The following E2F6 variants were observed in gnomAD, a reference collection of about 807,000 sequenced individuals.
E2F6 encodes the protein transcription factor E2F6.
E2F6 carries 19 observed loss-of-function variants against 31.5 expected under a neutral mutation model. The observed-to-expected ratio is 0.60, with a 90% confidence interval of 0.42 to 0.89. E2F6 has a LOEUF of 0.89. E2F6 is among the 40% of genes least tolerant of loss of function. The probability of loss-of-function intolerance (pLI) is 0.00; values close to 1 mark genes in which losing one functional copy is unlikely to be tolerated. For synonymous variants in E2F6, 121 were observed against 127.7 expected (o/e 0.95, Z 0.36); for missense variants, 269 against 341.6 (o/e 0.79, Z 1.67).
chr2:11,458,232 G>GC, intron 1 of E2F6: 1 of 1,544,774 alleles, frequency 6.5e-7, no homozygotes, highest in Non-Finnish European at 8.8e-7. Flanking sequence ...GGTACTCTAA[G>GC]AAGAGAATCA....
intron 5 of E2F6, among the ~76,000 whole-genome samples, chr2:11,449,670 T>C (rs1046200242): frequency 6.6e-6 from 1 of 152,236 alleles, no homozygotes; most frequent in Non-Finnish European, 1.5e-5. Flanking sequence ...ACCTTACTTT[T>C]GCAACTTTAA....
In E2F6 at chr2:11,450,035, A is replaced by G. The variant is rs768664890; in HGVS notation, c.628T>C (p.Leu210=). ...ACTTCTCTGGGAGCTGGAACATCCA[A>G]TCTGGTTTCTGCTGGAGCTTTAACT... The part of the protein sequence containing the change: ...IAVKAPAETR[L]DVPAPREDSI... The change falls in exon 5 of 7, where the codon TTG becomes CTG. Residue 210 remains leucine (L), a synonymous_variant. Coordinates refer to ENST00000381525, the MANE Select transcript of E2F6 (RefSeq NM_198256.4). 4 of 1,612,962 alleles carry G rather than the reference A, an allele frequency of 2.5e-6. No individual in the cohort carries two copies. In the Admixed American group the frequency reaches 5.0e-5, roughly 20 times the overall value.
At chr2:11,462,349 A>G (rs1443259293) in intron 1 of E2F6, among the ~76,000 whole-genome samples, 1 of 152,248 alleles carries the variant, frequency 6.6e-6, no homozygotes, top group Non-Finnish European at 1.5e-5. Context: ...ATGTGATAAC[A>G]TTTAATTTAT....
chr2:11,458,420 G>A (rs1671549438), intron 1 of E2F6: 54 of 1,497,828 alleles, frequency 3.6e-5, no homozygotes, highest in Non-Finnish European at 4.7e-5. Flanking sequence ...AGATGTATAT[G>A]GCATGGCATG....
chr2:11,451,591 C>T lies in E2F6; in HGVS notation c.536+60G>A, dbSNP rs1190579286. 2.7e-6 allele frequency: 4 copies of T among 1,487,778 alleles called. No homozygotes were observed. The East Asian group carries it at 7.2e-5, about 27-fold the overall frequency. The allele number at this position is 1,487,778 out of a possible 1,614,324, so 92.2% of individuals were successfully genotyped here. A position where few individuals can be genotyped will look rare whatever the true frequency, so the allele number is the denominator to read the frequency against. On this transcript the variant is annotated intron_variant, in intron 4 of 6. Transcript: ENST00000381525. The stretch of plus-strand genomic sequence containing the variant: ...AAATTAAGTCCCCAAGCTGACTCTA[C>T]TACTTAAGTAATCTGTTTTGGAAGC...
chr2:11,457,306 T>C (rs1049972975), intron 1 of E2F6, 73 bp from the exon 2 acceptor site: 1 of 928,328 alleles, frequency 1.1e-6, no homozygotes, highest in East Asian at 2.5e-5. Flanking sequence ...TTTTACTCAA[T>C]AGTATAAAGG....
chr2:11,458,295 C>A (rs530164122), intron 1 of E2F6: 2 of 1,551,592 alleles, frequency 1.3e-6, no homozygotes, highest in East Asian at 2.4e-5. Context: ...GGATTCATGG[C>A]GAAGGCAGCC....
At chr2:11,453,324 C>T (rs1476079253) in intron 3 of E2F6, among the ~76,000 whole-genome samples, 1 of 152,204 alleles carries the variant, frequency 6.6e-6, no homozygotes, top group African/African-American at 2.4e-5. Context: ...GTTTACTACA[C>T]TTCTGTGTGA....
chr2:11,462,205 T>C (rs1254894186), intron 1 of E2F6, among the ~76,000 whole-genome samples: 2 of 152,146 alleles, frequency 1.3e-5, no homozygotes. Context: ...ACCAATAGAG[T>C]AATAAATTCA....
In E2F6 at chr2:11,445,400, A is replaced by G. The variant is rs1055507373; in HGVS notation, c.*1077T>C. On this transcript the variant is annotated 3_prime_UTR_variant, in exon 7 of 7. Coordinates refer to ENST00000381525, the MANE Select transcript of E2F6 (RefSeq NM_198256.4). ...AAGTCCCTCAAGGAGCTCACAGTCT[A>G]ATGGTAAACTACAGAGTAAACTGAG... 6.6e-6 allele frequency: 1 copy of G among 152,646 alleles called. No individual in the cohort carries two copies. Among genetic ancestry groups the G allele is most frequent in the African/African-American group, 2.4e-5 (1 of 41,450 alleles). 9.5% of individuals were successfully genotyped at this position (152,646 alleles called of 1,614,324 possible).
At chr2:11,458,318 T>C (rs548559089) in intron 1 of E2F6, 1 of 1,551,772 alleles carries the variant, frequency 6.4e-7, no homozygotes, top group Non-Finnish European at 8.7e-7. Flanking sequence ...CAGCTGAGCC[T>C]AGCCCAGCAA....
intron 5 of E2F6, among the ~76,000 whole-genome samples, chr2:11,449,678 T>C (rs541157769): frequency 1.3e-5 from 2 of 152,370 alleles, no homozygotes; most frequent in African/African-American, 4.8e-5. Context: ...TTTGCAACTT[T>C]AAGATGGGCC....
chr2:11,465,705 C>A, intron 1 of E2F6, 67 bp downstream of exon 1: 2 of 1,510,006 alleles, frequency 1.3e-6, no homozygotes, highest in South Asian at 1.2e-5. Flanking sequence ...GGGTTGGCGG[C>A]GGCGCGGGGA....
chr2:11,447,481 T>C (rs758164816), intron 6 of E2F6, 146 bp downstream of exon 6: 7 of 887,566 alleles, frequency 7.9e-6, no homozygotes, highest in Admixed American at 5.0e-5. Flanking sequence ...CACAGAAATA[T>C]TCTAAACTAC....
intron 1 of E2F6, among the ~76,000 whole-genome samples, chr2:11,460,901 G>C (rs1671734970): frequency 6.6e-6 from 1 of 152,132 alleles, no homozygotes; most frequent in Non-Finnish European, 1.5e-5. Flanking sequence ...AAATTTTTCA[G>C]CTCCACTATA....
In E2F6 at chr2:11,447,758, T is replaced by G; in HGVS notation, c.668A>C (p.His223Pro). Reference protein sequence around the residue: ...PAPREDSITVHIRSTNGPIDV... With the variant: ...PAPREDSITVPIRSTNGPIDV... ...GATAGGTCCGTTGGTGCTCCTTATG[T>G]GCACTGTGATAGAGTCCTAGCAAAG... Residue 223 changes from histidine (H) to proline (P), a missense_variant, in exon 6 of 7, where the codon CAC becomes CCC. By Grantham distance (77) the His-to-Pro change is moderately conservative. Coordinates refer to ENST00000381525, the MANE Select transcript of E2F6 (RefSeq NM_198256.4). 1 of 1,612,194 alleles carries G rather than the reference T, an allele frequency of 6.2e-7. No homozygotes were observed. Among genetic ancestry groups the G allele is most frequent in the Non-Finnish European group, 8.5e-7 (1 of 1,179,988 alleles).
chr2:11,454,258 GTGTA>G (rs1391493205), intron 2 of E2F6, among the ~76,000 whole-genome samples: 1 of 152,030 alleles, frequency 6.6e-6, no homozygotes, highest in Non-Finnish European at 1.5e-5. Flanking sequence ...CCATGTCATA[GTGTA>G]AGTTGTCTGA....
At chr2:11,461,541 C>T (rs1351384264) in intron 1 of E2F6, among the ~76,000 whole-genome samples, 2 of 151,982 alleles carry the variant, frequency 1.3e-5, no homozygotes, top group East Asian at 1.9e-4. Context: ...TTAGTAGAAA[C>T]GGGGTTTCAC....
intron 2 of E2F6, among the ~76,000 whole-genome samples, chr2:11,454,879 C>T (rs1259661400): frequency 1.3e-5 from 2 of 152,176 alleles, no homozygotes; most frequent in Non-Finnish European, 2.9e-5. Flanking sequence ...ATATTGTGAA[C>T]ATCCTGACAT....
Sources: gnomAD v4.1 joint callset for allele counts (sites outside exome capture counted in the v4.1 genomes callset) on GRCh38, gnomAD v4.1.1 for gene constraint, MANE v1.5 for transcripts, NCBI Gene and HGNC (gene_info 2026-07-23, HGNC 2026-07-21) for gene names.